MOB1B: variants seen among roughly 807,000 people sequenced by gnomAD.
The protein encoded by MOB1B is MOB kinase activator 1B.
A neutral mutation model predicts 24.4 loss-of-function variants in MOB1B; 19 were observed. The observed-to-expected ratio is 0.78, with a 90% confidence interval of 0.54 to 1.14. MOB1B has a LOEUF of 1.14. Ranked by LOEUF, MOB1B falls within the 50% of genes most tolerant of loss-of-function variation. The pLI, the probability that MOB1B is intolerant of heterozygous loss-of-function variation, is 0.00. For missense variants in MOB1B, 243 were observed against 259.6 expected (o/e 0.94, Z 0.44); for synonymous variants, 76 against 82.1 (o/e 0.93, Z 0.40).
chr4:70,931,703 G>T (rs956445137), intron 1 of MOB1B, among the ~76,000 whole-genome samples: 2 of 152,124 alleles, frequency 1.3e-5, no homozygotes, highest in Admixed American at 1.3e-4. Flanking sequence ...AGAATTCCAA[G>T]TGTCTTATTT....
intron 5 of MOB1B, among the ~76,000 whole-genome samples, chr4:70,980,098 A>T (rs924194199): frequency 1.2e-4 from 18 of 152,212 alleles, no homozygotes; most frequent in Non-Finnish European, 5.9e-5. Flanking sequence ...GCATATATTT[A>T]TAAATGCCTT....
intron 1 of MOB1B, among the ~76,000 whole-genome samples, chr4:70,930,007 A>T (rs1328752745): frequency 1.3e-5 from 2 of 152,142 alleles, no homozygotes; most frequent in Non-Finnish European, 2.9e-5. Context: ...CACCCGTCTC[A>T]GCCTCCCAAA....
In MOB1B at chr4:70,920,999, G is replaced by A. The variant is rs999323361; in HGVS notation, c.14+18449G>A. Reference sequence around the variant, plus strand: ...CATCAGAAACAAAATAACCATTCGCGGAACCAAGTAAAAGCCTTCCACTAG... The same window carrying A: ...CATCAGAAACAAAATAACCATTCGCAGAACCAAGTAAAAGCCTTCCACTAG... On this transcript the variant is annotated intron_variant, in intron 1 of 5. Transcript: ENST00000309395. 4.6e-5 allele frequency among the ~76,000 whole-genome samples: 7 copies of A among 152,106 alleles called. No homozygotes were observed. The South Asian group carries it at 6.2e-4, about 14-fold the overall frequency.
At chr4:70,923,965 C>A (rs1008140959) in intron 1 of MOB1B, among the ~76,000 whole-genome samples, 41 of 127,798 alleles carry the variant, frequency 3.2e-4, no homozygotes, top group African/African-American at 5.1e-4. Flanking sequence ...AAATTAGACT[C>A]AAAAAAAAAA....
intron 1 of MOB1B, among the ~76,000 whole-genome samples, chr4:70,914,749 G>T (rs554782122): frequency 6.6e-6 from 1 of 152,288 alleles, no homozygotes; most frequent in African/African-American, 2.4e-5. Context: ...TTCTCAGGTA[G>T]TTGTTTGCTC....
intron 1 of MOB1B, among the ~76,000 whole-genome samples, chr4:70,930,013 C>T (rs1047497003): frequency 6.6e-6 from 1 of 151,998 alleles, no homozygotes; most frequent in Non-Finnish European, 1.5e-5. Context: ...TCTCAGCCTC[C>T]CAAAGTGTTG....
At chr4:70,936,099 C>T (rs1049094077) in intron 1 of MOB1B, among the ~76,000 whole-genome samples, 4 of 152,152 alleles carry the variant, frequency 2.6e-5, no homozygotes, top group African/African-American at 7.2e-5. Context: ...GATCCGCCCG[C>T]CTCGGCCTCC....
At chr4:70,971,504 C>CAA (rs906280735) in intron 3 of MOB1B, among the ~76,000 whole-genome samples, 4 of 64,796 alleles carry the variant, frequency 6.2e-5, no homozygotes, top group Admixed American at 3.7e-4. Context: ...GACTCTGTCT[C>CAA]AAAAAAAAAA....
At chr4:70,962,132 GAGGATGGCTCGAGCCC>G (rs1248127722) in intron 2 of MOB1B, among the ~76,000 whole-genome samples, 1 of 152,162 alleles carries the variant, frequency 6.6e-6, no homozygotes. Context: ...GCTGAGGTGG[GAGGATGGCTCGAGCCC>G]AGGAGTTCGA....
intron 1 of MOB1B, among the ~76,000 whole-genome samples, chr4:70,927,982 G>T (rs1736720714): frequency 6.6e-6 from 1 of 151,782 alleles, no homozygotes; most frequent in South Asian, 2.1e-4. Context: ...CCATCTTTCT[G>T]CCTTTGTAAA....
At chr4:70,915,868 C>T (rs1185381167) in intron 1 of MOB1B, among the ~76,000 whole-genome samples, 2 of 151,980 alleles carry the variant, frequency 1.3e-5, no homozygotes, top group African/African-American at 2.4e-5. Context: ...GTGGTGTCTT[C>T]ACCTGGAACT....
intron 1 of MOB1B, among the ~76,000 whole-genome samples, chr4:70,931,581 G>C (rs1736891237): frequency 6.6e-6 from 1 of 152,074 alleles, no homozygotes; most frequent in African/African-American, 2.4e-5. Context: ...AAAATTTCTA[G>C]TCCAGCCTCT....
At chr4:70,915,155 A>G (rs1736150162) in intron 1 of MOB1B, among the ~76,000 whole-genome samples, 2 of 152,172 alleles carry the variant, frequency 1.3e-5, no homozygotes, top group Admixed American at 6.5e-5. Context: ...ATTGTAGCCA[A>G]TTTCTATCGG....
At chr4:70,959,257 G>C (rs1316457644) in intron 2 of MOB1B, among the ~76,000 whole-genome samples, 1 of 152,174 alleles carries the variant, frequency 6.6e-6, no homozygotes, top group African/African-American at 2.4e-5. Context: ...CTGGAAGGCT[G>C]GAGTACAGTG....
At chr4:70,909,265 C>T (rs886970851) in intron 1 of MOB1B, among the ~76,000 whole-genome samples, 12 of 152,056 alleles carry the variant, frequency 7.9e-5, no homozygotes, top group Non-Finnish European at 1.0e-4. Context: ...CCCCCAAAGC[C>T]AGCATTTTGT....
At chr4:70,965,930 A>C (rs917565920) in intron 2 of MOB1B, among the ~76,000 whole-genome samples, 1 of 151,994 alleles carries the variant, frequency 6.6e-6, no homozygotes, top group African/African-American at 2.4e-5. Context: ...CAAAGTTAAC[A>C]CTAGAATAAA....
At chr4:70,904,036 G>A (rs974565256) in intron 1 of MOB1B, among the ~76,000 whole-genome samples, 1 of 133,752 alleles carries the variant, frequency 7.5e-6, no homozygotes, top group African/African-American at 2.9e-5. Flanking sequence ...GCTGGAGTGT[G>A]TAGTGGCGTG....
intron 1 of MOB1B, among the ~76,000 whole-genome samples, chr4:70,905,230 T>A (rs1186293707): frequency 6.6e-6 from 1 of 152,082 alleles, no homozygotes; most frequent in Non-Finnish European, 1.5e-5. Context: ...TATAACTGTC[T>A]GAATACTGTT....
intron 1 of MOB1B, among the ~76,000 whole-genome samples, chr4:70,933,701 G>A (rs761843469): frequency 7.9e-5 from 12 of 151,614 alleles, no homozygotes; most frequent in East Asian, 2.0e-4. Flanking sequence ...ACAGGCTCCC[G>A]CTACCACGCC....
Sources: gnomAD v4.1 joint callset for allele counts (sites outside exome capture counted in the v4.1 genomes callset) on GRCh38, gnomAD v4.1.1 for gene constraint, MANE v1.5 for transcripts, NCBI Gene and HGNC (gene_info 2026-07-23, HGNC 2026-07-21) for gene names.